SHTN1: variants seen among roughly 807,000 people sequenced by gnomAD.
SHTN1 encodes the protein shootin-1.
A neutral mutation model predicts 83.1 loss-of-function variants in SHTN1; 42 were observed. The observed-to-expected ratio is 0.51, with a 90% confidence interval of 0.39 to 0.65. The LOEUF is 0.65. Among genes scored for constraint, SHTN1 ranks in the 30% least tolerant of loss-of-function variants. SHTN1 has a pLI of 0.00. For synonymous variants in SHTN1, 224 were observed against 247.7 expected (o/e 0.90, Z 0.90); for missense variants, 622 against 737.8 (o/e 0.84, Z 1.82).
intron 12 of SHTN1, among the ~76,000 whole-genome samples, chr10:116,916,289 T>C (rs1239809311): frequency 6.6e-6 from 1 of 152,226 alleles, no homozygotes; most frequent in Non-Finnish European, 1.5e-5. Context: ...ATGTCTCTCT[T>C]GTAGAATAGC....
chr10:117,051,627 T>C (rs187843078), intron 1 of SHTN1, among the ~76,000 whole-genome samples: 9 of 151,616 alleles, frequency 5.9e-5, no homozygotes, highest in African/African-American at 1.5e-4. Flanking sequence ...ACAATCAATA[T>C]AATATACCAC....
At chr10:116,952,605 A>G (rs1049574585) in intron 5 of SHTN1, among the ~76,000 whole-genome samples, 2 of 152,164 alleles carry the variant, frequency 1.3e-5, no homozygotes, top group Non-Finnish European at 2.9e-5. Context: ...TTAGGATTCA[A>G]TGAAAAGTGT....
At chr10:116,994,518 G>A (rs1851559309) in intron 1 of SHTN1, among the ~76,000 whole-genome samples, 1 of 152,038 alleles carries the variant, frequency 6.6e-6, no homozygotes, top group South Asian at 2.1e-4. Flanking sequence ...AGAGAGAGAA[G>A]GGGAAAGAGG....
intron 2 of SHTN1, among the ~76,000 whole-genome samples, chr10:117,028,974 A>G (rs1217509424): frequency 1.3e-5 from 2 of 152,190 alleles, no homozygotes; most frequent in African/African-American, 4.8e-5. Context: ...CAGACCCACC[A>G]GCAGCTTGCA....
At chr10:116,916,871 G>A (rs1589804312) in intron 12 of SHTN1, among the ~76,000 whole-genome samples, 2 of 152,208 alleles carry the variant, frequency 1.3e-5, no homozygotes, top group African/African-American at 2.4e-5. Context: ...AACCTCAGAA[G>A]CCATTGAAAT....
intron 2 of SHTN1, among the ~76,000 whole-genome samples, chr10:116,974,724 T>C (rs1300994587): frequency 6.6e-6 from 1 of 152,130 alleles, no homozygotes; most frequent in Non-Finnish European, 1.5e-5. Flanking sequence ...CATTCTTCTA[T>C]TATACAGATT....
intron 7 of SHTN1, among the ~76,000 whole-genome samples, chr10:116,947,077 T>G (rs1222469027): frequency 1.3e-5 from 2 of 152,140 alleles, no homozygotes; most frequent in Non-Finnish European, 2.9e-5. Flanking sequence ...CAGCCTTAGA[T>G]GCATTCAGAA....
At chr10:116,900,295 C>T in intron 16 of SHTN1, 2 of 537,534 alleles carry the variant, frequency 3.7e-6, no homozygotes, top group Non-Finnish European at 6.6e-6. Context: ...GAATGTGTCT[C>T]TTAAGCAGTC....
At chr10:117,067,319 G>A (rs1288211489) in intron 1 of SHTN1, among the ~76,000 whole-genome samples, 2 of 152,192 alleles carry the variant, frequency 1.3e-5, no homozygotes, top group African/African-American at 2.4e-5. Flanking sequence ...AGCCAGGTAC[G>A]GTGGCTCGTG....
In SHTN1 at chr10:116,946,417, TATA is replaced by T. The variant is rs937826229; in HGVS notation, c.617-1402_617-1400del. Reference sequence around the variant, plus strand: ...TATGTATAAAAATATATGTATTATATATAATATTAAATGTAAATAAATGTATAA... The same window carrying T: ...TATGTATAAAAATATATGTATTATATATATTAAATGTAAATAAATGTATAA... On this transcript the variant is annotated intron_variant, in intron 7 of 16. Coordinates refer to ENST00000355371, the MANE Select transcript of SHTN1 (RefSeq NM_001127211.3). Among the ~76,000 whole-genome samples, 32 of 146,342 alleles carry T rather than the reference TATA, an allele frequency of 2.2e-4. 3 individuals carry two copies. The highest frequency in any genetic ancestry group is 1.7e-3 in the Admixed American group (24 of 14,470).
chr10:117,032,437 T>C (rs10787742), intron 2 of SHTN1, among the ~76,000 whole-genome samples: 138,509 of 152,106 alleles, frequency 0.91, 64,437 homozygotes, highest in Non-Finnish European at 1. Flanking sequence ...ATCTCCTGAC[T>C]TTTTGATCTG....
At chr10:117,055,876 G>A (rs576603243) in intron 1 of SHTN1, among the ~76,000 whole-genome samples, 3 of 152,284 alleles carry the variant, frequency 2.0e-5, no homozygotes, top group East Asian at 3.9e-4. Context: ...TCTAAGTAGA[G>A]AGAAAAATAA....
At chr10:117,094,090 A>G (rs1333134506) in intron 1 of SHTN1, among the ~76,000 whole-genome samples, 1 of 152,184 alleles carries the variant, frequency 6.6e-6, no homozygotes, top group East Asian at 1.9e-4. Context: ...ATCACAGAGT[A>G]TCTCTCCTCC....
At chr10:117,054,531 G>A (rs980947999) in intron 1 of SHTN1, among the ~76,000 whole-genome samples, 7 of 150,408 alleles carry the variant, frequency 4.7e-5, no homozygotes, top group African/African-American at 9.8e-5. Flanking sequence ...TCAGCCTCCC[G>A]AGTAGCTGGG....
In SHTN1 at chr10:116,968,644, T is replaced by G. The variant is rs1850486740; in HGVS notation, c.172+8A>C. On this transcript the variant is annotated splice_region_variant and intron_variant, in intron 3 of 16. Transcript: ENST00000355371. Reference sequence around the variant, plus strand: ...TGTTATAATAATTCCACTGAAATGCTTACGTACTTTTCTGAAATTCTTCCA... The same window carrying G: ...TGTTATAATAATTCCACTGAAATGCGTACGTACTTTTCTGAAATTCTTCCA... The G allele has an allele frequency of 6.3e-7, 1 of 1,599,990 alleles. No individual in the cohort carries two copies. The highest frequency in any genetic ancestry group is 2.2e-5 in the East Asian group (1 of 44,784).
chr10:117,124,277 A>G (rs997284680), intron 1 of SHTN1, among the ~76,000 whole-genome samples: 1 of 152,074 alleles, frequency 6.6e-6, no homozygotes, highest in Non-Finnish European at 1.5e-5. Context: ...CCTGGGGGTT[A>G]ATGAGCCTCA....
chr10:117,029,004 C>T (rs1199756093), intron 2 of SHTN1, among the ~76,000 whole-genome samples: 2 of 152,152 alleles, frequency 1.3e-5, no homozygotes, highest in African/African-American at 4.8e-5. Context: ...TGGAAATATC[C>T]ACCAGCACTC....
rs1402991194 is a variant in SHTN1 at position 116,882,909 on chromosome 10, G to A, written c.*3435C>T. 2.0e-5 allele frequency: 3 copies of A among 150,922 alleles called. No homozygotes were observed. Among genetic ancestry groups the A allele is most frequent in the Non-Finnish European group, 4.4e-5 (3 of 67,874 alleles). The allele number at this position is 150,922 out of a possible 1,614,324, so 9.3% of individuals were successfully genotyped here. Reference sequence around the variant, plus strand: ...AAGCAACGGGTAGGAGAAACTGGAAGGAAAATTCATTTGAAAGGCAGAACA... The same window carrying A: ...AAGCAACGGGTAGGAGAAACTGGAAAGAAAATTCATTTGAAAGGCAGAACA... On this transcript the variant is annotated 3_prime_UTR_variant, in exon 17 of 17. Transcript: ENST00000355371.
intron 1 of SHTN1, among the ~76,000 whole-genome samples, chr10:116,986,245 C>T (rs1564915242): frequency 6.6e-6 from 1 of 152,154 alleles, no homozygotes; most frequent in Non-Finnish European, 1.5e-5. Flanking sequence ...TGAAAATCAA[C>T]AACTCTTCCT....
Sources: gnomAD v4.1 joint callset for allele counts (sites outside exome capture counted in the v4.1 genomes callset) on GRCh38, gnomAD v4.1.1 for gene constraint, MANE v1.5 for transcripts, NCBI Gene and HGNC (gene_info 2026-07-23, HGNC 2026-07-21) for gene names.